The following PHKA1 variants were observed in gnomAD, a reference collection of about 807,000 sequenced individuals.
The protein encoded by PHKA1 is phosphorylase b kinase regulatory subunit alpha, skeletal muscle isoform.
A neutral mutation model predicts 110.2 loss-of-function variants in PHKA1; 60 were observed. The observed-to-expected ratio is 0.54, with a 90% CI of 0.44 to 0.68. PHKA1 has a LOEUF of 0.68. PHKA1 is among the 30% of genes least tolerant of loss of function. The pLI is 0.00. For missense variants in PHKA1, 801 were observed against 942.5 expected (o/e 0.85, Z 1.97); for synonymous variants, 316 against 333.6 (o/e 0.95, Z 0.58).
intron 28 of PHKA1, among the ~76,000 whole-genome samples, chrX:72,601,453 C>T (rs1556242731): frequency 9.0e-6 from 1 of 111,004 alleles, no homozygotes; most frequent in East Asian, 2.8e-4. Flanking sequence ...AGGATTCTGG[C>T]TAAACCATCT....
intron 5 of PHKA1, among the ~76,000 whole-genome samples, chrX:72,676,539 C>G (rs2053782221): frequency 8.9e-6 from 1 of 112,063 alleles, no homozygotes; most frequent in African/African-American, 3.2e-5. Flanking sequence ...TAATTTTACT[C>G]TCTATTGGTA....
At chrX:72,676,312 G>C in intron 5 of PHKA1, among the ~76,000 whole-genome samples, 162 bp from the exon 6 acceptor site, 1 of 110,705 alleles carries the variant, frequency 9.0e-6, no homozygotes, top group Admixed American at 9.6e-5. Context: ...CTAATGTGTG[G>C]GGTGGCCCCT....
chrX:72,682,107 G>A (rs1603270768), intron 5 of PHKA1, among the ~76,000 whole-genome samples: 3 of 78,298 alleles, frequency 3.8e-5, no homozygotes, highest in Admixed American at 1.4e-4. Flanking sequence ...CCGGCCAGCC[G>A]CCCCGTCCGG....
chrX:72,670,661 A>G (rs1569446404), intron 6 of PHKA1, among the ~76,000 whole-genome samples: 1 of 111,922 alleles, frequency 8.9e-6, no homozygotes, highest in Non-Finnish European at 1.9e-5. Context: ...AATATCCCTG[A>G]TGAACATCGA....
At chrX:72,712,321 A>G in intron 2 of PHKA1, 1 of 129,343 alleles carries the variant, frequency 7.7e-6, no homozygotes. Context: ...AAAAATCAAC[A>G]GATAAAGTCT....
intron 9 of PHKA1, 108 bp from the exon 10 acceptor site, chrX:72,656,350 G>A: frequency 2.4e-6 from 2 of 840,627 alleles, no homozygotes; most frequent in South Asian, 4.3e-5. Context: ...TAGAGAAGGT[G>A]TTCAGGAAGC....
At position 72,635,283 on chromosome X, in the gene PHKA1, T is replaced by C; in HGVS notation, c.1586A>G (p.Gln529Arg). 1 of 1,208,231 alleles carries C rather than the reference T, an allele frequency of 8.3e-7. No individual in the cohort carries two copies. The highest frequency in any genetic ancestry group is 1.1e-6 in the Non-Finnish European group (1 of 892,541). Residue 529 changes from glutamine to arginine, a missense_variant, in exon 16 of 32, where the codon CAG becomes CGG. Gln to Arg is a conservative substitution (Grantham distance 43). This residue lies in a region of PHKA1 where 299 missense variants were observed against 423.3 expected (regional missense o/e 0.71). Transcript: ENST00000373542. Reference sequence around the variant, plus strand: ...CTTGTTGTCCAGAGCCAGGTAGAACTGTTGCTGGTCTATAAACTGAGACAA... The same window carrying C: ...CTTGTTGTCCAGAGCCAGGTAGAACCGTTGCTGGTCTATAAACTGAGACAA... ...TFTPQFIDQQ[Q>R]FYLALDNKMI...
At chrX:72,585,637 G>A (rs782197353) in intron 29 of PHKA1, among the ~76,000 whole-genome samples, 6 of 112,206 alleles carry the variant, frequency 5.3e-5, no homozygotes, top group Non-Finnish European at 1.1e-4. Context: ...CCCGGGAAGC[G>A]CAAGGGGTTG....
At chrX:72,610,553 G>C in intron 22 of PHKA1, among the ~76,000 whole-genome samples, 1 of 111,574 alleles carries the variant, frequency 9.0e-6, no homozygotes, top group South Asian at 3.8e-4. Flanking sequence ...CCATACCTTT[G>C]CTATTGGGAA....
At chrX:72,618,149 A>G (rs2052925124) in intron 21 of PHKA1, among the ~76,000 whole-genome samples, 1 of 111,726 alleles carries the variant, frequency 9.0e-6, no homozygotes, top group Non-Finnish European at 1.9e-5. Context: ...AACCAAATTT[A>G]GGGGAAGAAA....
chrX:72,645,802 C>T (rs900957183), intron 13 of PHKA1, among the ~76,000 whole-genome samples: 1 of 111,892 alleles, frequency 8.9e-6, no homozygotes, highest in African/African-American at 3.3e-5. Flanking sequence ...AAATGACCTG[C>T]TAGGTAAATA....
intron 3 of PHKA1, among the ~76,000 whole-genome samples, chrX:72,701,097 C>T (rs782232132): frequency 7.1e-5 from 8 of 112,128 alleles, no homozygotes; most frequent in Non-Finnish European, 1.5e-4. Context: ...CAGTTATTTG[C>T]GTAAGTGCAA....
chrX:72,655,234 C>A (rs1556300716), intron 10 of PHKA1, among the ~76,000 whole-genome samples: 3 of 111,873 alleles, frequency 2.7e-5, no homozygotes, highest in Non-Finnish European at 5.7e-5. Flanking sequence ...CACAGCGAGG[C>A]CCGTCTCTAC....
At chrX:72,622,660 T>G (rs1556279347) in intron 18 of PHKA1, 1 of 745,520 alleles carries the variant, frequency 1.3e-6, no homozygotes, top group East Asian at 1.5e-4. Flanking sequence ...TTTTTCAAAC[T>G]ACACAGACCT....
Position 72,608,047 on chromosome X carries a change from C to A in PHKA1, c.2606+1577G>T, listed in dbSNP as rs143791869. On this transcript the variant is annotated intron_variant, in intron 23 of 31. Coordinates refer to ENST00000373542, the MANE Select transcript of PHKA1 (RefSeq NM_002637.4). ...AAGCAGAAGGAGTCTCTCCCTATAC[C>A]CACCACGGCTGGGCATGTGTTTGGT... 6.7e-3 allele frequency among the ~76,000 whole-genome samples: 743 copies of A among 111,170 alleles called. 3 individuals are homozygous for A. Among genetic ancestry groups the A allele is most frequent in the South Asian group, 0.014 (36 of 2,591 alleles).
chrX:72,650,524 T>C lies in PHKA1; in HGVS notation c.1246-56A>G, dbSNP rs1291708682. ...TAAGTCTCAAAAGAGAAACTAATAC[T>C]TGAGGGAAAACAACATCCCTATGCC... On this transcript the variant is annotated intron_variant, in intron 12 of 31. Coordinates refer to ENST00000373542, the MANE Select transcript of PHKA1 (RefSeq NM_002637.4). 11 of 978,007 alleles carry C rather than the reference T, an allele frequency of 1.1e-5. No individual in the cohort carries two copies. The East Asian group carries it at 3.1e-4, about 28-fold the overall frequency. The allele number at this position is 978,007 out of a possible 1,213,427, so 80.6% of individuals were successfully genotyped here.
At chrX:72,635,753 G>A (rs1556291345) in intron 15 of PHKA1, among the ~76,000 whole-genome samples, 1 of 111,464 alleles carries the variant, frequency 9.0e-6, no homozygotes, top group African/African-American at 3.3e-5. Flanking sequence ...CCAGAAAATA[G>A]TTTCTCCTCC....
At position 72,579,151 on chromosome X, in the gene PHKA1, A is replaced by T. The variant is rs1301689617; in HGVS notation, c.*1851T>A. Reference sequence around the variant, plus strand: ...GGGTACACTTACAACCAGTGAAAAGACAAATAGTTTCAGAACAGGTTGTAA... The same window carrying T: ...GGGTACACTTACAACCAGTGAAAAGTCAAATAGTTTCAGAACAGGTTGTAA... On this transcript the variant is annotated 3_prime_UTR_variant, in exon 32 of 32. Coordinates refer to ENST00000373542, the MANE Select transcript of PHKA1 (RefSeq NM_002637.4). 1 of 112,193 alleles carries T rather than the reference A, an allele frequency of 8.9e-6. No individual in the cohort carries two copies. The highest frequency in any genetic ancestry group is 3.2e-5 in the African/African-American group (1 of 30,846). 9.2% of individuals were successfully genotyped at this position (112,193 alleles called of 1,213,427 possible).
intron 2 of PHKA1, among the ~76,000 whole-genome samples, chrX:72,706,393 A>T (rs1039313936): frequency 2.7e-5 from 3 of 111,870 alleles, no homozygotes; most frequent in African/African-American, 9.7e-5. Flanking sequence ...TAACCCCTAC[A>T]AGAAGACATC....
Sources: gnomAD v4.1 joint callset for allele counts (sites outside exome capture counted in the v4.1 genomes callset) on GRCh38, gnomAD v4.1.1 for gene constraint, gnomAD v4.1.1 regional missense constraint, MANE v1.5 for transcripts, NCBI Gene and HGNC (gene_info 2026-07-23, HGNC 2026-07-21) for gene names.